Variants in ZNF141 observed in about 807,000 individuals in gnomAD.
ZNF141 encodes the protein zinc finger protein 141.
ZNF141 carries 7 observed loss-of-function variants against 11.3 expected under a neutral mutation model. The ratio of observed to expected loss-of-function variants is 0.62; its 90% CI spans 0.35 to 1.16. The LOEUF (loss-of-function observed/expected upper bound fraction) is 1.16. Ranked by LOEUF, ZNF141 falls within the 50% of genes most tolerant of loss-of-function variation. ZNF141 has a pLI of 0.02. For missense variants in ZNF141, 535 were observed against 554.0 expected, an observed-to-expected ratio of 0.97 and a Z score of 0.34; for synonymous variants, 183 against 190.7, an observed-to-expected ratio of 0.96 and a Z score of 0.33.
intron 1 of ZNF141, among the ~76,000 whole-genome samples, chr4:342,075 T>G (rs920876788): frequency 6.6e-6 from 1 of 152,200 alleles, no homozygotes; most frequent in Non-Finnish European, 1.5e-5. Flanking sequence ...ATACATTTTT[T>G]TAAAAAGTCA....
At chr4:348,767 G>T (rs1553850014) in intron 3 of ZNF141, among the ~76,000 whole-genome samples, 1 of 150,090 alleles carries the variant, frequency 6.7e-6, no homozygotes, top group African/African-American at 2.4e-5. Context: ...CCCCAGCTTT[G>T]TTCTTTCTCA....
chr4:358,879 T>C (rs551015369), intron 3 of ZNF141, among the ~76,000 whole-genome samples: 2 of 152,316 alleles, frequency 1.3e-5, no homozygotes, highest in South Asian at 2.1e-4. Flanking sequence ...TGGACTCTTA[T>C]TGAGATTTTT....
intron 3 of ZNF141, among the ~76,000 whole-genome samples, chr4:369,742 ATATATATATATATATATATATAT>A (rs1711935681): frequency 6.9e-5 from 2 of 29,026 alleles, no homozygotes; most frequent in Non-Finnish European, 1.3e-4. Context: ...AAAGAGATAT[ATATATATATATATATATATATAT>A]TTTTTTTTTT....
At chr4:346,773 A>G (rs1248004894) in intron 3 of ZNF141, among the ~76,000 whole-genome samples, 2 of 151,800 alleles carry the variant, frequency 1.3e-5, no homozygotes, top group Non-Finnish European at 2.9e-5. Context: ...CTCCAGGTCT[A>G]TCCATGTTGT....
At chr4:357,951 C>G (rs1553851447) in intron 3 of ZNF141, among the ~76,000 whole-genome samples, 1 of 151,832 alleles carries the variant, frequency 6.6e-6, no homozygotes, top group Non-Finnish European at 1.5e-5. Flanking sequence ...GATTTCCTGA[C>G]TTCGTGATTC....
At chr4:368,287 A>T (rs1312573804) in intron 3 of ZNF141, among the ~76,000 whole-genome samples, 1 of 152,116 alleles carries the variant, frequency 6.6e-6, no homozygotes, top group Non-Finnish European at 1.5e-5. Context: ...CCCAGTCAGA[A>T]TGTAAGTGCA....
intron 3 of ZNF141, among the ~76,000 whole-genome samples, chr4:357,255 T>C (rs10212688): frequency 0.47 from 71,231 of 151,948 alleles, 18,782 homozygotes; most frequent in African/African-American, 0.73. Flanking sequence ...GGCCCAGTCA[T>C]TTCTTTTTTT....
At chr4:367,421 C>CT (rs1560195522) in intron 3 of ZNF141, among the ~76,000 whole-genome samples, 1 of 151,994 alleles carries the variant, frequency 6.6e-6, no homozygotes, top group Admixed American at 6.6e-5. Context: ...GGGAGAAACA[C>CT]TTTTGCGACT....
chr4:383,619 C>CGGCGACCACCGAG lies in ZNF141; in HGVS notation c.*9757_*9758insGGCGACCACCGAG. On this transcript the variant is annotated 3_prime_UTR_variant, in exon 4 of 4. Transcript: ENST00000240499. ...AAAGCCAGTTAACGTGAACTTCCTA[C>CGGCGACCACCGAG]ATCTAAACCAAAAGGAAAGACCTCA... The CGGCGACCACCGAG allele has an allele frequency of 1.3e-5, 2 of 153,510 alleles. No individual in the cohort carries two copies. The highest frequency in any genetic ancestry group is 6.5e-5 in the Admixed American group (1 of 15,406). 9.5% of individuals were successfully genotyped at this position (153,510 alleles called of 1,614,324 possible).
Position 382,830 on chromosome 4 carries a change from C to A in ZNF141, c.*8968C>A, listed in dbSNP as rs145790948. 1,781 of 272,766 alleles carry A rather than the reference C, an allele frequency of 6.5e-3. 49 individuals are homozygous for A. The highest frequency in any genetic ancestry group is 0.059 in the South Asian group (1,110 of 18,706). The allele number at this position is 272,766 out of a possible 1,614,324, so 16.9% of individuals were successfully genotyped here. A position where few individuals can be genotyped will look rare whatever the true frequency, so the allele number is the denominator to read the frequency against. ...AATCAGGCCAACGTTGATCCTGAGT[C>A]CCAGCCAGCTGCTTAGTAGCTGTGG... is the stretch of plus-strand genomic sequence containing the variant. On this transcript the variant is annotated 3_prime_UTR_variant, in exon 4 of 4. Coordinates refer to ENST00000240499, the MANE Select transcript of ZNF141 (RefSeq NM_003441.4).
In ZNF141 at chr4:373,729, C is replaced by G. The variant is rs202122660; in HGVS notation, c.1292C>G (p.Ala431Gly). Residue 431 changes from alanine to glycine, a missense_variant, in exon 4 of 4, where the codon GCC becomes GGC. Coordinates refer to ENST00000240499, the MANE Select transcript of ZNF141 (RefSeq NM_003441.4). Reference sequence around the variant, plus strand: ...TACAAATGTAAAGAATGTGACAAAGCCTTTAAACAATTTTCGCTCCTGAGT... The same window carrying G: ...TACAAATGTAAAGAATGTGACAAAGGCTTTAAACAATTTTCGCTCCTGAGT... ...KPYKCKECDK[A>G]FKQFSLLSQH... The G allele has an allele frequency of 6.6e-5, 107 of 1,613,928 alleles. No individual in the cohort carries two copies. Among genetic ancestry groups the G allele is most frequent in the Non-Finnish European group, 8.1e-5 (96 of 1,179,998 alleles).
In ZNF141 at chr4:382,185, A is replaced by T. The variant is rs1323632989; in HGVS notation, c.*8323A>T. Among the ~76,000 whole-genome samples the T allele has an allele frequency of 1.3e-5, 2 of 151,744 alleles. No individual in the cohort carries two copies. Among genetic ancestry groups the T allele is most frequent in the Non-Finnish European group, 2.9e-5 (2 of 67,956 alleles). Reference sequence around the variant, plus strand: ...AAGGTCTTGATTTCCTGACCTCGTGATCCGCCTGCCTCAGCCTACCAAAGT... The same window carrying T: ...AAGGTCTTGATTTCCTGACCTCGTGTTCCGCCTGCCTCAGCCTACCAAAGT... On this transcript the variant is annotated 3_prime_UTR_variant, in exon 4 of 4. Coordinates refer to ENST00000240499, the MANE Select transcript of ZNF141 (RefSeq NM_003441.4).
At chr4:360,438 T>C (rs1553851980) in intron 3 of ZNF141, among the ~76,000 whole-genome samples, 1 of 152,206 alleles carries the variant, frequency 6.6e-6, no homozygotes, top group African/African-American at 2.4e-5. Flanking sequence ...ATGTCAAAGA[T>C]TCAAAATGCC....
At chr4:364,980 C>T (rs1395076210) in intron 3 of ZNF141, among the ~76,000 whole-genome samples, 4 of 152,248 alleles carry the variant, frequency 2.6e-5, no homozygotes, top group African/African-American at 9.6e-5. Flanking sequence ...ATGCAGTGGG[C>T]TTCGCCCAGT....
chr4:370,378 G>C (rs1268458685), intron 3 of ZNF141, among the ~76,000 whole-genome samples: 1 of 151,976 alleles, frequency 6.6e-6, no homozygotes, highest in Non-Finnish European at 1.5e-5. Context: ...TTCAATGGAA[G>C]ATAGTTCAGC....
At chr4:368,814 A>G (rs1479605633) in intron 3 of ZNF141, among the ~76,000 whole-genome samples, 3 of 152,122 alleles carry the variant, frequency 2.0e-5, no homozygotes, top group Admixed American at 6.6e-5. Flanking sequence ...AGTGTTTCTG[A>G]CATTGTTACT....
chr4:357,288 G>T (rs1721886176), intron 3 of ZNF141, among the ~76,000 whole-genome samples: 1 of 152,010 alleles, frequency 6.6e-6, no homozygotes, highest in Non-Finnish European at 1.5e-5. Flanking sequence ...AGCTTTCTGA[G>T]ATCTTTATTT....
At chr4:360,633 T>C (rs1259470059) in intron 3 of ZNF141, among the ~76,000 whole-genome samples, 4 of 152,202 alleles carry the variant, frequency 2.6e-5, no homozygotes, top group Non-Finnish European at 4.4e-5. Context: ...TTAATCTTCA[T>C]ATTTGTATGG....
At chr4:349,209 G>C (rs1341646596) in intron 3 of ZNF141, among the ~76,000 whole-genome samples, 1 of 151,742 alleles carries the variant, frequency 6.6e-6, no homozygotes, top group African/African-American at 2.4e-5. Context: ...CAAGGCAGTT[G>C]TATCATGTGA....
Sources: allele counts gnomAD v4.1 joint callset (sites outside exome capture counted in the v4.1 genomes callset), GRCh38; gene constraint gnomAD v4.1.1; transcripts MANE v1.5; gene names NCBI Gene and HGNC (gene_info 2026-07-23, HGNC 2026-07-21).